Variants in PRDM10 observed in about 807,000 individuals in gnomAD.
PRDM10 encodes PR/SET domain 10, also known as PR domain zinc finger protein 10.
PRDM10 carries 65 observed loss-of-function variants against 133.1 expected under a neutral mutation model. That is an observed-to-expected ratio of 0.49 (90% CI 0.40 to 0.60). The LOEUF (loss-of-function observed/expected upper bound fraction) is 0.60. Ranked by LOEUF, PRDM10 falls within the 20% of genes least tolerant of loss-of-function variation. The probability of loss-of-function intolerance (pLI) is 0.00; values close to 1 mark genes in which losing one functional copy is unlikely to be tolerated. For synonymous variants in PRDM10, 582 were observed against 580.4 expected (o/e 1.00, Z -0.04); for missense variants, 1,137 against 1,507.1 (o/e 0.75, Z 4.07).
intron 1 of PRDM10, among the ~76,000 whole-genome samples, chr11:129,988,031 A>G (rs548813243): frequency 6.6e-6 from 1 of 152,246 alleles, no homozygotes; most frequent in South Asian, 2.1e-4. Flanking sequence ...GAACTGGTAC[A>G]TGCTACATAC....
At chr11:129,908,189 C>T (rs1295855618) in intron 19 of PRDM10, among the ~76,000 whole-genome samples, 1 of 151,528 alleles carries the variant, frequency 6.6e-6, no homozygotes, top group Admixed American at 6.6e-5. Context: ...TAGTTTTTTT[C>T]AGCTGACCAT....
intron 17 of PRDM10, among the ~76,000 whole-genome samples, chr11:129,913,724 A>G (rs1363495199): frequency 6.6e-6 from 1 of 152,208 alleles, no homozygotes; most frequent in Non-Finnish European, 1.5e-5. Flanking sequence ...AAAACCCTCC[A>G]TAAGAAAAAC....
rs1951246187 is a variant in PRDM10 at position 129,942,557 on chromosome 11, T to C, written c.835A>G (p.Thr279Ala). 6.2e-7 allele frequency: 1 copy of C among 1,613,858 alleles called. No homozygotes were observed. Among genetic ancestry groups the C allele is most frequent in the African/African-American group, 1.3e-5 (1 of 74,832 alleles). Residue 279 changes from threonine (T) to alanine (A), a missense_variant, in exon 7 of 21, where the codon ACG becomes GCG. Thr to Ala is a moderately conservative substitution (Grantham distance 58). Coordinates refer to ENST00000360871, the MANE Select transcript of PRDM10 (RefSeq NM_199437.2). The part of the protein sequence containing the change: ...EDLWFELSDE[T>A]LCNWMMFVRP... ...ACAAACATCATCCAGTTACAAAGCGTCTCATCAGACAACTCAAACCATAGG... is the reference window on the plus strand; with the variant it reads ...ACAAACATCATCCAGTTACAAAGCGCCTCATCAGACAACTCAAACCATAGG...
chr11:129,966,273 C>T (rs559766360), intron 1 of PRDM10, among the ~76,000 whole-genome samples: 1 of 152,192 alleles, frequency 6.6e-6, no homozygotes, highest in South Asian at 2.1e-4. Flanking sequence ...AATAAAAAAT[C>T]CAAATTACCT....
rs1390574218 is a variant in PRDM10 at position 129,944,285 on chromosome 11, C to T, written c.762+486G>A. On this transcript the variant is annotated intron_variant, in intron 6 of 20. Coordinates refer to ENST00000360871, the MANE Select transcript of PRDM10 (RefSeq NM_199437.2). Reference sequence around the variant, plus strand: ...TAGCCCCCCAGAATAATTCATATAACGCCTTCAGGCACTAAAATTGCAATC... The same window carrying T: ...TAGCCCCCCAGAATAATTCATATAATGCCTTCAGGCACTAAAATTGCAATC... 2.0e-5 allele frequency among the ~76,000 whole-genome samples: 3 copies of T among 152,164 alleles called. 1 individual carries two copies. The highest frequency in any genetic ancestry group is 4.1e-4 in the South Asian group (2 of 4,828).
intron 13 of PRDM10, among the ~76,000 whole-genome samples, chr11:129,919,827 A>G (rs1419652229): frequency 6.6e-6 from 1 of 152,202 alleles, no homozygotes; most frequent in Admixed American, 6.5e-5. Context: ...ACCCAGTATC[A>G]GGGAGCAGGA....
intron 1 of PRDM10, among the ~76,000 whole-genome samples, chr11:129,975,248 G>A (rs1256667464): frequency 1.3e-5 from 2 of 152,048 alleles, no homozygotes; most frequent in Non-Finnish European, 2.9e-5. Flanking sequence ...CAAACACAGT[G>A]AAACCCCATG....
chr11:129,935,502 A>G (rs1423660185), intron 8 of PRDM10, among the ~76,000 whole-genome samples: 1 of 152,116 alleles, frequency 6.6e-6, no homozygotes, highest in Non-Finnish European at 1.5e-5. Flanking sequence ...CAACTTCACC[A>G]CACCGAAAAC....
chr11:129,934,272 A>C (rs186891314), intron 9 of PRDM10, among the ~76,000 whole-genome samples: 16 of 152,340 alleles, frequency 1.1e-4, no homozygotes, highest in Admixed American at 1.0e-3. Context: ...ATGAACCCCA[A>C]GTGGGCATTT....
chr11:129,955,404 A>C, intron 4 of PRDM10, 108 bp downstream of exon 4: 1 of 1,028,274 alleles, frequency 9.7e-7, no homozygotes, highest in Non-Finnish European at 1.4e-6. Flanking sequence ...CATTCTTAGT[A>C]CATGAGAAAC....
intron 1 of PRDM10, among the ~76,000 whole-genome samples, chr11:129,965,644 A>G (rs955260735): frequency 4.6e-5 from 7 of 151,710 alleles, no homozygotes; most frequent in African/African-American, 1.7e-4. Context: ...TTGCATTTCT[A>G]TTTTCTCTCT....
intron 9 of PRDM10, among the ~76,000 whole-genome samples, chr11:129,933,926 T>C (rs779475841): frequency 2.0e-5 from 3 of 152,138 alleles, no homozygotes; most frequent in Non-Finnish European, 2.9e-5. Flanking sequence ...TTACTCCCTC[T>C]AGTACCCAGC....
intron 6 of PRDM10, 44 bp downstream of exon 6, chr11:129,944,727 C>G (rs1340119894): frequency 6.2e-7 from 1 of 1,606,232 alleles, no homozygotes; most frequent in Non-Finnish European, 8.5e-7. Context: ...CTCCTTCAAA[C>G]ACTGGTAAAG....
At chr11:129,979,287 T>A (rs1454819404) in intron 1 of PRDM10, among the ~76,000 whole-genome samples, 2 of 152,082 alleles carry the variant, frequency 1.3e-5, no homozygotes, top group African/African-American at 2.4e-5. Flanking sequence ...TGAGAGCTGC[T>A]CTCAGAGGAA....
Position 129,947,045 on chromosome 11 carries a change from A to G in PRDM10, c.520+100T>C. 1 of 1,498,750 alleles carries G rather than the reference A, an allele frequency of 6.7e-7. No individual in the cohort carries two copies. Among genetic ancestry groups the G allele is most frequent in the Non-Finnish European group, 9.0e-7 (1 of 1,106,418 alleles). The allele number at this position is 1,498,750 out of a possible 1,614,324, so 92.8% of individuals were successfully genotyped here. On this transcript the variant is annotated intron_variant, in intron 5 of 20. Transcript: ENST00000360871. The surrounding 1 kb of genome is among the most constrained non-coding windows in gnomAD (Gnocchi z 4.6). ...TGTAGCACAGTTGGCTGCACACGGA[A>G]GGACCTGACGCACGGGAGCTATGTT...
In PRDM10 at chr11:129,960,993, G is replaced by A. The variant is rs1260717857; in HGVS notation, c.-29C>T. 6.2e-7 allele frequency: 1 copy of A among 1,610,550 alleles called. No individual in the cohort carries two copies. Among genetic ancestry groups the A allele is most frequent in the African/African-American group, 1.3e-5 (1 of 74,836 alleles). ...CTCCCAACTGGACAGCTCCACGTCT[G>A]GCACACCTAGAGCAGCACAGGGTAC... On this transcript the variant is annotated 5_prime_UTR_variant, in exon 2 of 21. Coordinates refer to ENST00000360871, the MANE Select transcript of PRDM10 (RefSeq NM_199437.2).
chr11:129,904,277 A>T (rs978002458), intron 20 of PRDM10, among the ~76,000 whole-genome samples: 1 of 151,726 alleles, frequency 6.6e-6, no homozygotes, highest in African/African-American at 2.4e-5. Flanking sequence ...ATTCCTAGCC[A>T]TTGAAGAGCA....
rs571418039 is a variant in PRDM10, at chr11:129,938,119, CCT to C, written c.967-451_967-450del. ...TGGCTACTTCTGCTCACTCTGTTGG[CCT>C]CTTTTTTTTTTCTCCCTAACTTCTA... On this transcript the variant is annotated intron_variant, in intron 7 of 20. Coordinates refer to ENST00000360871, the MANE Select transcript of PRDM10 (RefSeq NM_199437.2). Among the ~76,000 whole-genome samples the C allele has an allele frequency of 3.9e-3, 596 of 152,194 alleles. 8 individuals are homozygous for C. The highest frequency in any genetic ancestry group is 0.014 in the African/African-American group (568 of 41,534).
At position 129,900,650 on chromosome 11, in the gene PRDM10, T is replaced by C. The variant is rs759684171; in HGVS notation, c.*1663A>G. On this transcript the variant is annotated 3_prime_UTR_variant, in exon 21 of 21. Coordinates refer to ENST00000360871, the MANE Select transcript of PRDM10 (RefSeq NM_199437.2). ...TCTTTCTAGACCGGACACTAGGATA[T>C]TTGTAATCATTACACTGTGGGACTT... is the stretch of plus-strand genomic sequence containing the variant. 1 of 152,260 alleles carries C rather than the reference T, an allele frequency of 6.6e-6. No individual in the cohort carries two copies. Among genetic ancestry groups the C allele is most frequent in the Non-Finnish European group, 1.5e-5 (1 of 68,038 alleles). The allele number at this position is 152,260 out of a possible 1,614,324, so 9.4% of individuals were successfully genotyped here.
Sources: allele counts gnomAD v4.1 joint callset (sites outside exome capture counted in the v4.1 genomes callset), GRCh38; gene constraint gnomAD v4.1.1; non-coding constraint Gnocchi (gnomAD v3.1); transcripts MANE v1.5; gene names NCBI Gene and HGNC (gene_info 2026-07-23, HGNC 2026-07-21).